Variants in SPMAP2L observed in about 807,000 individuals in gnomAD.
SPMAP2L encodes sperm microtubule associated protein 2-like.
At chr4:56,531,098 G>A in the SPMAP2L span, 1 of 1,535,508 alleles carries the variant, frequency 6.5e-7, no homozygotes, top group Non-Finnish European at 8.7e-7. Context: ...TTGCTTCCCA[G>A]CGCCGCAGTA....
the SPMAP2L span, among the ~76,000 whole-genome samples, chr4:56,550,224 G>A: frequency 1.3e-5 from 2 of 152,044 alleles, no homozygotes; most frequent in African/African-American, 4.8e-5. Context: ...CTGGCCTCAG[G>A]TGATCCTTCT....
chr4:56,543,895 AGTGT>A, the SPMAP2L span, among the ~76,000 whole-genome samples: 3,967 of 109,350 alleles, frequency 0.036, 117 homozygotes, highest in East Asian at 0.21. Flanking sequence ...AGAGAGAGAG[AGTGT>A]GTGTGTGTGT....
At chr4:56,622,611 G>A in the SPMAP2L span, among the ~76,000 whole-genome samples, 1 of 152,044 alleles carries the variant, frequency 6.6e-6, no homozygotes, top group Non-Finnish European at 1.5e-5. Flanking sequence ...ATTTTGTTCT[G>A]AGAACATACA....
At chr4:56,572,974 C>T in the SPMAP2L span, among the ~76,000 whole-genome samples, 1 of 151,218 alleles carries the variant, frequency 6.6e-6, no homozygotes, top group Non-Finnish European at 1.5e-5. Flanking sequence ...TGAGATCGCA[C>T]CACTGCACTC....
the SPMAP2L span, among the ~76,000 whole-genome samples, chr4:56,567,887 T>C: frequency 6.6e-6 from 1 of 152,178 alleles, no homozygotes; most frequent in Non-Finnish European, 1.5e-5. Context: ...AATTTACAAT[T>C]TTCATCTAAT....
the SPMAP2L span, among the ~76,000 whole-genome samples, chr4:56,570,429 C>T: frequency 9.8e-5 from 15 of 152,294 alleles, no homozygotes; most frequent in Middle Eastern, 3.4e-3. Context: ...ATGGTATAGC[C>T]TGGTGCTCTT....
the SPMAP2L span, among the ~76,000 whole-genome samples, chr4:56,600,743 T>C: frequency 2.0e-5 from 3 of 152,286 alleles, no homozygotes; most frequent in Admixed American, 2.0e-4. Flanking sequence ...TATATGTTCA[T>C]TCTCTCCCTC....
chr4:56,595,534 T>C, the SPMAP2L span: 27 of 1,483,052 alleles, frequency 1.8e-5, no homozygotes, highest in Non-Finnish European at 2.5e-5. Context: ...ATCTTCCCAC[T>C]GGGACCGGCC....
chr4:56,598,945 T>C, the SPMAP2L span, among the ~76,000 whole-genome samples: 1 of 152,064 alleles, frequency 6.6e-6, no homozygotes, highest in Non-Finnish European at 1.5e-5. Flanking sequence ...TATAAGGGGC[T>C]TCCCCCTTCG....
chr4:56,611,833 T>C, the SPMAP2L span, among the ~76,000 whole-genome samples: 2 of 152,154 alleles, frequency 1.3e-5, no homozygotes, highest in African/African-American at 4.8e-5. Flanking sequence ...GCCAATCACG[T>C]AAGACCCCCT....
At chr4:56,623,816 A>C in the SPMAP2L span, among the ~76,000 whole-genome samples, 1 of 152,192 alleles carries the variant, frequency 6.6e-6, no homozygotes, top group Non-Finnish European at 1.5e-5. Context: ...AAGTCCAATT[A>C]AACCTCTTTT....
At chr4:56,621,964 G>A in the SPMAP2L span, among the ~76,000 whole-genome samples, 1 of 152,156 alleles carries the variant, frequency 6.6e-6, no homozygotes, top group Non-Finnish European at 1.5e-5. Context: ...ACCACAACGA[G>A]TGGACCCTAA....
At chr4:56,533,321 T>C in the SPMAP2L span, among the ~76,000 whole-genome samples, 46 of 152,310 alleles carry the variant, frequency 3.0e-4, no homozygotes, top group Non-Finnish European at 6.0e-4. Context: ...TGGTGAGTGC[T>C]CTCATTCCTC....
At chr4:56,574,049 G>T in the SPMAP2L span, among the ~76,000 whole-genome samples, 1 of 152,158 alleles carries the variant, frequency 6.6e-6, no homozygotes, top group Admixed American at 6.6e-5. Context: ...TTGGGTCTGG[G>T]GGGGTAGTCA....
At chr4:56,614,929 A>G in the SPMAP2L span, among the ~76,000 whole-genome samples, 3 of 152,184 alleles carry the variant, frequency 2.0e-5, no homozygotes, top group South Asian at 2.1e-4. Context: ...CTTATCAGGC[A>G]TTTACACCTC....
the SPMAP2L span, chr4:56,594,703 G>A: frequency 2.2e-6 from 3 of 1,356,140 alleles, no homozygotes; most frequent in Non-Finnish European, 1.1e-6. Context: ...TTCACCTCAA[G>A]GCCATGGTGG....
chr4:56,600,742 A>G, the SPMAP2L span, among the ~76,000 whole-genome samples: 1 of 152,190 alleles, frequency 6.6e-6, no homozygotes, highest in South Asian at 2.1e-4. Flanking sequence ...TTATATGTTC[A>G]TTCTCTCCCT....
At chr4:56,607,195 G>A in the SPMAP2L span, among the ~76,000 whole-genome samples, 1 of 152,196 alleles carries the variant, frequency 6.6e-6, no homozygotes, top group Non-Finnish European at 1.5e-5. Flanking sequence ...TGGGTCTGAA[G>A]GACTCTGCTC....
At chr4:56,534,454 T>G in the SPMAP2L span, among the ~76,000 whole-genome samples, 1 of 152,214 alleles carries the variant, frequency 6.6e-6, no homozygotes, top group Non-Finnish European at 1.5e-5. Flanking sequence ...GGCTTAGTCC[T>G]CTCAGATTCA....
Sources: gnomAD v4.1 joint callset for allele counts (sites outside exome capture counted in the v4.1 genomes callset) on GRCh38, gnomAD v4.1.1 for gene constraint, MANE v1.5 for transcripts, NCBI Gene and HGNC (gene_info 2026-07-23, HGNC 2026-07-21) for gene names.